Variants in CACNA1A observed in about 807,000 individuals in gnomAD.
CACNA1A encodes voltage-dependent P/Q-type calcium channel subunit alpha-1A.
CACNA1A carries 57 observed loss-of-function variants against 262.4 expected under a neutral mutation model. That is an observed-to-expected ratio of 0.22 (90% confidence interval 0.18 to 0.27). The LOEUF is 0.27. Ranked by LOEUF, CACNA1A falls within the 10% of genes least tolerant of loss-of-function variation. The pLI is 1.00. For missense variants in CACNA1A, 2,526 were observed against 3,562.8 expected, an observed-to-expected ratio of 0.71 and a Z score of 7.41; for synonymous variants, 1,431 against 1,419.3, an observed-to-expected ratio of 1.01 and a Z score of -0.18.
At chr19:13,269,025 C>G (rs888602596) in intron 24 of CACNA1A, among the ~76,000 whole-genome samples, 1 of 150,758 alleles carries the variant, frequency 6.6e-6, no homozygotes. Context: ...GAGACGTGGT[C>G]TTGCTCTGTC....
At chr19:13,432,542 A>G (rs1599442055) in intron 3 of CACNA1A, among the ~76,000 whole-genome samples, 1 of 152,046 alleles carries the variant, frequency 6.6e-6, no homozygotes, top group South Asian at 2.1e-4. Flanking sequence ...GATTGGGGAG[A>G]TATTAGGCAA....
chr19:13,444,104 T>C (rs760998509), intron 3 of CACNA1A, among the ~76,000 whole-genome samples: 4 of 152,196 alleles, frequency 2.6e-5, no homozygotes, highest in Non-Finnish European at 4.4e-5. Flanking sequence ...TGGTGAAACA[T>C]GGTCCAGCAA....
intron 11 of CACNA1A, chr19:13,316,258 C>T (rs1392542416): frequency 6.6e-6 from 1 of 150,808 alleles, no homozygotes; most frequent in Admixed American, 6.6e-5. Flanking sequence ...ATGCCTGGCC[C>T]CAGTCGCTGC....
chr19:13,403,902 A>C (rs2059955792), intron 3 of CACNA1A, among the ~76,000 whole-genome samples: 1 of 152,150 alleles, frequency 6.6e-6, no homozygotes, highest in South Asian at 2.1e-4. Flanking sequence ...GGTTGTAATG[A>C]GCCGTGGTCA....
chr19:13,331,402 A>G (rs1182502541), intron 9 of CACNA1A, among the ~76,000 whole-genome samples: 2 of 151,154 alleles, frequency 1.3e-5, no homozygotes, highest in Non-Finnish European at 3.0e-5. Context: ...ACACCTAGCT[A>G]ATTTTTGTAT....
At chr19:13,351,393 G>C (rs1182671870) in intron 6 of CACNA1A, among the ~76,000 whole-genome samples, 1 of 152,204 alleles carries the variant, frequency 6.6e-6, no homozygotes, top group Non-Finnish European at 1.5e-5. Flanking sequence ...CCAGGCTGGA[G>C]TGCAGTGGCG....
At chr19:13,221,975 C>T (rs902733522) in intron 38 of CACNA1A, among the ~76,000 whole-genome samples, 3 of 152,046 alleles carry the variant, frequency 2.0e-5, no homozygotes, top group Non-Finnish European at 2.9e-5. Context: ...GATGTGATCT[C>T]GGCTCACTGC....
chr19:13,304,178 A>C (rs1420744771), intron 15 of CACNA1A, among the ~76,000 whole-genome samples: 1 of 152,008 alleles, frequency 6.6e-6, no homozygotes, highest in Non-Finnish European at 1.5e-5. Flanking sequence ...TGATGTGATT[A>C]AGGGGATTTG....
intron 19 of CACNA1A, among the ~76,000 whole-genome samples, chr19:13,295,730 A>G (rs998806548): frequency 6.6e-6 from 1 of 152,012 alleles, no homozygotes; most frequent in Non-Finnish European, 1.5e-5. Context: ...CCTGGCCTCA[A>G]GCGATTCTCC....
intron 38 of CACNA1A, 121 bp downstream of exon 38, chr19:13,224,546 G>T: frequency 3.0e-6 from 2 of 663,080 alleles, no homozygotes; most frequent in Non-Finnish European, 2.7e-6. Context: ...TGGAACGAAT[G>T]AATGGAAGAG....
At chr19:13,451,736 C>T in intron 3 of CACNA1A, 1 of 152,320 alleles carries the variant, frequency 6.6e-6, no homozygotes, top group Non-Finnish European at 1.5e-5. Flanking sequence ...TGGTTTGATA[C>T]AGACAAGCAT....
intron 4 of CACNA1A, chr19:13,370,996 T>C (rs1326776111): frequency 1.3e-5 from 2 of 152,170 alleles, no homozygotes; most frequent in African/African-American, 2.4e-5. Context: ...ACCCTGCATA[T>C]GGCAGCCACC....
chr19:13,472,213 C>T (rs1280616101), intron 1 of CACNA1A, among the ~76,000 whole-genome samples: 1 of 152,046 alleles, frequency 6.6e-6, no homozygotes, highest in East Asian at 1.9e-4. Context: ...TCAAGTGATC[C>T]TCCCACCTCA....
intron 30 of CACNA1A, chr19:13,245,669 CTCTTTTTTT>C (rs2056213717): frequency 1.7e-5 from 2 of 119,566 alleles, no homozygotes; most frequent in African/African-American, 3.1e-5. Context: ...TTCTTTCTTT[CTCTTTTTTT>C]TTTTTTTTTT....
intron 3 of CACNA1A, among the ~76,000 whole-genome samples, chr19:13,400,296 T>C (rs1328520355): frequency 6.6e-6 from 1 of 152,190 alleles, no homozygotes; most frequent in African/African-American, 2.4e-5. Flanking sequence ...CTTTTGACTT[T>C]TGCAGGATGA....
At chr19:13,259,498 C>G (rs2056671349) in intron 27 of CACNA1A, 66 bp downstream of exon 27, 10 of 1,500,388 alleles carry the variant, frequency 6.7e-6, no homozygotes, top group Non-Finnish European at 9.0e-6. Context: ...TTGCTAAGCT[C>G]TCAGGCCCTT....
chr19:13,381,747 T>C (rs970903050), intron 3 of CACNA1A, among the ~76,000 whole-genome samples: 5 of 152,172 alleles, frequency 3.3e-5, no homozygotes, highest in African/African-American at 1.2e-4. Flanking sequence ...GGACCGTGCA[T>C]TTAATAGCTA....
intron 36 of CACNA1A, among the ~76,000 whole-genome samples, chr19:13,229,509 G>C (rs1411072804): frequency 6.6e-6 from 1 of 152,278 alleles, no homozygotes; most frequent in Admixed American, 6.5e-5. Flanking sequence ...GGACCCCTCT[G>C]GTGTCTACCC....
chr19:13,261,524 C>G lies in CACNA1A; in HGVS notation c.4176G>C (p.Val1392=). 6.2e-7 allele frequency: 1 copy of G among 1,600,438 alleles called. No individual in the cohort carries two copies. The highest frequency in any genetic ancestry group is 1.1e-5 in the South Asian group (1 of 88,532). The change falls in exon 26 of 47, where the codon GTG becomes GTC. Residue 1392 remains valine (V), a synonymous_variant. Transcript: ENST00000360228. ...TCCCCTTGAAGAGCTGCACAGCCAC[C>G]ACGGCGAAGATGAACATGAATAGCA... ...VYMLFMFIFA[V]VAVQLFKGKF...
Sources: allele counts gnomAD v4.1 joint callset (sites outside exome capture counted in the v4.1 genomes callset), GRCh38; gene constraint gnomAD v4.1.1; transcripts MANE v1.5; gene names NCBI Gene and HGNC (gene_info 2026-07-23, HGNC 2026-07-21).